CD22: variants seen among roughly 807,000 people sequenced by gnomAD.
The protein encoded by CD22 is B-cell receptor CD22.
CD22 carries 51 observed loss-of-function variants against 94.7 expected under a neutral mutation model. That is an observed-to-expected ratio of 0.54 (90% CI 0.43 to 0.68). The LOEUF is 0.68. Ranked by LOEUF, CD22 falls within the 30% of genes least tolerant of loss-of-function variation. The probability of loss-of-function intolerance (pLI) is 0.00; values close to 1 mark genes in which losing one functional copy is unlikely to be tolerated. For synonymous variants in CD22, 424 were observed against 422.5 expected (o/e 1.00, Z -0.04); for missense variants, 931 against 1,060.4 (o/e 0.88, Z 1.69).
In CD22 at chr19:35,345,627, G is replaced by C. The variant is rs10406069; in HGVS notation, c.2234G>C (p.Gly745Ala). 1 of 1,609,192 alleles carries C rather than the reference G, an allele frequency of 6.2e-7. No homozygotes were observed. The highest frequency in any genetic ancestry group is 1.3e-5 in the African/African-American group (1 of 74,746). ...KKVRRAPLSEGPHSLGCYNPM... is the reference protein window; with the variant it reads ...KKVRRAPLSEAPHSLGCYNPM... ...GTTAGAAGGGCCCCCCTCTCTGAAG[G>C]CCCCCACTCCCTGGGATGCTACAAT... Residue 745 changes from glycine to alanine, a missense_variant, in exon 12 of 14, where the codon GGC (glycine) becomes GCC (alanine). By Grantham distance (60) the Gly-to-Ala change is moderately conservative. Coordinates refer to ENST00000085219, the MANE Select transcript of CD22 (RefSeq NM_001771.4).
In CD22 at chr19:35,346,982, T is replaced by G; in HGVS notation, c.*285T>G. 3.2e-6 allele frequency: 1 copy of G among 312,316 alleles called. No homozygotes were observed. The highest frequency in any genetic ancestry group is 6.0e-6 in the Non-Finnish European group (1 of 167,310). 19.3% of individuals were successfully genotyped at this position (312,316 alleles called of 1,614,324 possible). On this transcript the variant is annotated 3_prime_UTR_variant, in exon 14 of 14. Coordinates refer to ENST00000085219, the MANE Select transcript of CD22 (RefSeq NM_001771.4). ...AAATACCTGCCCTGACATGCACACCTCCCCCTGCCCCCACCACGGCCACTG... is the reference window on the plus strand; with the variant it reads ...AAATACCTGCCCTGACATGCACACCGCCCCCTGCCCCCACCACGGCCACTG...
At chr19:35,331,288 A>G (rs1170959359) in intron 1 of CD22, among the ~76,000 whole-genome samples, 1 of 152,130 alleles carries the variant, frequency 6.6e-6, no homozygotes, top group Non-Finnish European at 1.5e-5. Flanking sequence ...AGTTTTGACC[A>G]TGTCTGTCCC....
Position 35,332,009 on chromosome 19 carries a change from C to T in CD22, c.-22-10C>T, listed in dbSNP as rs371250994. On this transcript the variant is annotated splice_polypyrimidine_tract_variant and intron_variant, in intron 1 of 13. Transcript: ENST00000085219. ...CCAGATGGCTCAAAGACAAACTCTC[C>T]CCTGCTCAGGCTTGCACCCAGACAC... 2.5e-6 allele frequency: 4 copies of T among 1,613,620 alleles called. No individual in the cohort carries two copies. The African/African-American group carries it at 4.0e-5, about 16-fold the overall frequency.
intron 3 of CD22, among the ~76,000 whole-genome samples, chr19:35,335,421 G>T (rs993849151): frequency 3.3e-5 from 5 of 152,062 alleles, no homozygotes; most frequent in Admixed American, 2.0e-4. Flanking sequence ...GCTAGGTGTG[G>T]TGGCACATGC....
chr19:35,340,947 C>T lies in CD22; in HGVS notation c.1316C>T (p.Thr439Ile). The T allele has an allele frequency of 6.2e-7, 1 of 1,614,158 alleles. No homozygotes were observed. Among genetic ancestry groups the T allele is most frequent in the East Asian group, 2.2e-5 (1 of 44,886 alleles). Reference sequence around the variant, plus strand: ...CCGATTCGAGAAGGAGACACAGTGACCCTTTCCTGTAACTACAATTCCAGT... The same window carrying T: ...CCGATTCGAGAAGGAGACACAGTGATCCTTTCCTGTAACTACAATTCCAGT... The part of the protein sequence containing the change: ...PMPIREGDTV[T>I]LSCNYNSSNP... The change falls in exon 7 of 14, where the codon ACC (threonine) becomes ATC (isoleucine). Residue 439 changes from threonine (T) to isoleucine (I), a missense_variant. By Grantham distance (89) the Thr-to-Ile change is moderately conservative. Transcript: ENST00000085219.
Position 35,336,230 on chromosome 19 carries a change from G to A in CD22, c.607G>A (p.Glu203Lys), listed in dbSNP as rs752024645. The A allele has an allele frequency of 2.0e-5, 33 of 1,614,070 alleles. 1 individual carries two copies. In the East Asian group the frequency reaches 3.3e-4, roughly 16 times the overall value. Residue 203 changes from glutamate to lysine, a missense_variant, in exon 4 of 14, where the codon GAG (glutamate) becomes AAG (lysine). Glu to Lys is a moderately conservative substitution (Grantham distance 56, BLOSUM62 1). Coordinates refer to ENST00000085219, the MANE Select transcript of CD22 (RefSeq NM_001771.4). ...CATCAAGTCTGTCTTCACCCGGAGC[G>A]AGCTCAAGTTCTCCCCACAGTGGAG... ...LTIKSVFTRSELKFSPQWSHH... is the reference protein window; with the variant it reads ...LTIKSVFTRSKLKFSPQWSHH...
rs1248392204 is a variant in CD22, at chr19:35,346,179, C to T, written c.2356C>T (p.Pro786Ser). 1 of 1,613,956 alleles carries T rather than the reference C, an allele frequency of 6.2e-7. No individual in the cohort carries two copies. Among genetic ancestry groups the T allele is most frequent in the Non-Finnish European group, 8.5e-7 (1 of 1,179,878 alleles). Residue 786 changes from proline to serine, a missense_variant, in exon 13 of 14, where the codon CCT (proline) becomes TCT (serine). Coordinates refer to ENST00000085219, the MANE Select transcript of CD22 (RefSeq NM_001771.4). Reference protein sequence around the residue: ...GDAESSEMQRPPPDCDDTVTY... With the variant: ...GDAESSEMQRSPPDCDDTVTY... ...TGCAGAGTCCTCAGAGATGCAGAGA[C>T]CTCCCCCGGACTGCGATGACACGGT...
chr19:35,345,956 A>G (rs4805120), intron 12 of CD22, among the ~76,000 whole-genome samples, 195 bp from the exon 13 acceptor site: 113,216 of 152,016 alleles, frequency 0.74, 42,861 homozygotes, highest in African/African-American at 0.89. Flanking sequence ...TCAAGACCTC[A>G]TGATACACAC....
chr19:35,331,576 T>G, intron 1 of CD22: 1 of 161,188 alleles, frequency 6.2e-6, no homozygotes, highest in South Asian at 1.6e-4. Flanking sequence ...CGGCCAGGAG[T>G]GGTGGCTCAC....
intron 11 of CD22, 117 bp downstream of exon 11, chr19:35,345,243 C>T: frequency 1.2e-6 from 1 of 831,286 alleles, no homozygotes; most frequent in South Asian, 1.4e-5. Context: ...CATGGTGAAA[C>T]CCTGTCTCTA....
intron 6 of CD22, 145 bp downstream of exon 6, chr19:35,338,576 C>CTT: frequency 1.3e-6 from 1 of 782,284 alleles, no homozygotes; most frequent in Non-Finnish European, 2.0e-6. Flanking sequence ...GCTGTCTCAG[C>CTT]TCCTAGCATA....
chr19:35,346,975 G>A lies in CD22; in HGVS notation c.*278G>A. The A allele has an allele frequency of 2.9e-6, 1 of 348,918 alleles. No homozygotes were observed. Among genetic ancestry groups the A allele is most frequent in the East Asian group, 6.0e-5 (1 of 16,782 alleles). The allele number at this position is 348,918 out of a possible 1,614,324, so 21.6% of individuals were successfully genotyped here. A position where few individuals can be genotyped will look rare whatever the true frequency, so the allele number is the denominator to read the frequency against. ...TCCATCTAAATACCTGCCCTGACAT[G>A]CACACCTCCCCCTGCCCCCACCACG... On this transcript the variant is annotated 3_prime_UTR_variant, in exon 14 of 14. Transcript: ENST00000085219.
At chr19:35,345,521 G>A (rs1449847532) in intron 11 of CD22, 81 bp from the exon 12 acceptor site, 3 of 822,286 alleles carry the variant, frequency 3.6e-6, no homozygotes, top group Non-Finnish European at 6.2e-6. Context: ...CCTCTGAGGA[G>A]ACCTGGGCTG....
At chr19:35,342,099 C>T in intron 9 of CD22, 134 bp downstream of exon 9, 2 of 730,834 alleles carry the variant, frequency 2.7e-6, no homozygotes, top group Non-Finnish European at 4.4e-6. Context: ...TCCCCTCCTC[C>T]TCCTCTTCCT....
At chr19:35,334,490 A>T (rs1434290889) in intron 3 of CD22, among the ~76,000 whole-genome samples, 1 of 152,224 alleles carries the variant, frequency 6.6e-6, no homozygotes, top group African/African-American at 2.4e-5. Context: ...GACCCATCAA[A>T]CACAGGTGTG....
intron 4 of CD22, chr19:35,336,716 G>T: frequency 4.3e-6 from 1 of 230,248 alleles, no homozygotes; most frequent in African/African-American, 2.3e-5. Flanking sequence ...CGGTGGGCAG[G>T]GTGCAGCAGT....
At position 35,346,814 on chromosome 19, in the gene CD22, ACACG is replaced by A; in HGVS notation, c.*121_*124del. ...CGCGCATGTGCGCACACACACACAC[ACACG>A]CACACACACACACACACACTCACTG... On this transcript the variant is annotated 3_prime_UTR_variant, in exon 14 of 14. Coordinates refer to ENST00000085219, the MANE Select transcript of CD22 (RefSeq NM_001771.4). 22 of 870,320 alleles carry A rather than the reference ACACG, an allele frequency of 2.5e-5. No homozygotes were observed. The highest frequency in any genetic ancestry group is 8.1e-5 in the East Asian group (3 of 36,844). The allele number at this position is 870,320 out of a possible 1,614,324, so 53.9% of individuals were successfully genotyped here.
chr19:35,344,703 C>G (rs560067122), intron 9 of CD22, 126 bp from the exon 10 acceptor site: 28 of 707,150 alleles, frequency 4.0e-5, no homozygotes, highest in Non-Finnish European at 6.2e-5. Context: ...CCTCTGCACC[C>G]CTGCACGCAT....
intron 9 of CD22, among the ~76,000 whole-genome samples, chr19:35,343,628 TC>T (rs2145677017): frequency 6.6e-6 from 1 of 152,264 alleles, no homozygotes; most frequent in Admixed American, 6.5e-5. Context: ...ATGCCTGTAA[TC>T]CCAACACTTT....
Sources: allele counts gnomAD v4.1 joint callset (sites outside exome capture counted in the v4.1 genomes callset), GRCh38; gene constraint gnomAD v4.1.1; transcripts MANE v1.5; gene names NCBI Gene and HGNC (gene_info 2026-07-23, HGNC 2026-07-21).